Variants in CLMN observed in about 807,000 individuals in gnomAD.
The protein encoded by CLMN is calmin (calponin-like, transmembrane).
A neutral mutation model predicts 92.7 loss-of-function variants in CLMN; 57 were observed. The ratio of observed to expected loss-of-function variants is 0.61; its 90% confidence interval spans 0.50 to 0.77. The LOEUF is 0.77. Among genes scored for constraint, CLMN ranks in the 30% least tolerant of loss-of-function variants. CLMN has a pLI of 0.00. For synonymous variants in CLMN, 466 were observed against 470.6 expected (o/e 0.99, Z 0.13); for missense variants, 1,158 against 1,237.5 (o/e 0.94, Z 0.96).
chr14:95,255,814 C>T (rs1029032874), intron 1 of CLMN, among the ~76,000 whole-genome samples: 41 of 152,184 alleles, frequency 2.7e-4, no homozygotes, highest in African/African-American at 9.6e-4. Flanking sequence ...TACTAGGTTC[C>T]CATGTTTTTT....
At chr14:95,317,331 GC>G (rs1300505144) in intron 1 of CLMN, among the ~76,000 whole-genome samples, 1 of 152,124 alleles carries the variant, frequency 6.6e-6, no homozygotes, top group East Asian at 1.9e-4. Flanking sequence ...ACAGATGCCT[GC>G]CCCCATCTCC....
At chr14:95,280,860 A>C (rs1194100052) in intron 1 of CLMN, among the ~76,000 whole-genome samples, 1 of 152,154 alleles carries the variant, frequency 6.6e-6, no homozygotes, top group Non-Finnish European at 1.5e-5. Context: ...TGGTTATCTA[A>C]AATTGTTACA....
chr14:95,189,946 C>G lies in CLMN; in HGVS notation c.*1618G>C, dbSNP rs1896523305. 6.6e-6 allele frequency: 1 copy of G among 152,194 alleles called. No individual in the cohort carries two copies. Among genetic ancestry groups the G allele is most frequent in the African/African-American group, 2.4e-5 (1 of 41,450 alleles). The allele number at this position is 152,194 out of a possible 1,614,324, so 9.4% of individuals were successfully genotyped here. On this transcript the variant is annotated 3_prime_UTR_variant, in exon 13 of 13. Transcript: ENST00000298912. Reference sequence around the variant, plus strand: ...TGCTATGTAAATTCTTCTGGCCATGCTGGAATTCTGTAAACTTGAAACCCA... The same window carrying G: ...TGCTATGTAAATTCTTCTGGCCATGGTGGAATTCTGTAAACTTGAAACCCA...
intron 1 of CLMN, among the ~76,000 whole-genome samples, chr14:95,245,270 T>TA (rs1427351722): frequency 1.5e-4 from 8 of 53,730 alleles, no homozygotes; most frequent in South Asian, 5.7e-4. Context: ...TATATATATA[T>TA]TATATATATA....
intron 1 of CLMN, among the ~76,000 whole-genome samples, chr14:95,235,537 G>C (rs962319312): frequency 6.6e-6 from 1 of 152,152 alleles, no homozygotes; most frequent in Admixed American, 6.5e-5. Flanking sequence ...ACAATTAAGT[G>C]AGATATTGCA....
chr14:95,241,166 C>T (rs879751898), intron 1 of CLMN, among the ~76,000 whole-genome samples: 2 of 152,086 alleles, frequency 1.3e-5, no homozygotes, highest in South Asian at 4.2e-4. Flanking sequence ...AAACCCCACA[C>T]TCACCCTGTA....
chr14:95,208,801 G>C (rs1376988156), intron 8 of CLMN, among the ~76,000 whole-genome samples: 6 of 152,174 alleles, frequency 3.9e-5, no homozygotes, highest in Non-Finnish European at 7.4e-5. Flanking sequence ...CAAATGGAGT[G>C]CTGTTCTGAG....
At chr14:95,238,390 C>T (rs906527916) in intron 1 of CLMN, among the ~76,000 whole-genome samples, 6 of 152,244 alleles carry the variant, frequency 3.9e-5, no homozygotes, top group African/African-American at 1.4e-4. Flanking sequence ...GGGGCCACTT[C>T]CCCCATCGGC....
At chr14:95,272,693 T>G (rs1899759886) in intron 1 of CLMN, among the ~76,000 whole-genome samples, 1 of 152,210 alleles carries the variant, frequency 6.6e-6, no homozygotes, top group South Asian at 2.1e-4. Flanking sequence ...CTTGACTAGA[T>G]GCTAAGAAGC....
At chr14:95,283,908 T>C (rs1013601342) in intron 1 of CLMN, among the ~76,000 whole-genome samples, 1 of 152,198 alleles carries the variant, frequency 6.6e-6, no homozygotes, top group Non-Finnish European at 1.5e-5. Flanking sequence ...GAAATTTGCA[T>C]AAGTAGCAAG....
intron 1 of CLMN, among the ~76,000 whole-genome samples, chr14:95,257,141 C>A (rs1004341115): frequency 6.6e-6 from 1 of 152,184 alleles, no homozygotes; most frequent in Non-Finnish European, 1.5e-5. Flanking sequence ...AATTAGAATG[C>A]GTGATCTTTC....
At chr14:95,308,258 C>G (rs1901371430) in intron 1 of CLMN, among the ~76,000 whole-genome samples, 1 of 152,210 alleles carries the variant, frequency 6.6e-6, no homozygotes, top group African/African-American at 2.4e-5. Context: ...ACCAGCTGGG[C>G]CACTGAACAG....
Position 95,312,371 on chromosome 14 carries a change from G to A in CLMN, c.82+7340C>T, listed in dbSNP as rs61054074. 4.4e-3 allele frequency among the ~76,000 whole-genome samples: 669 copies of A among 152,236 alleles called. 4 individuals are homozygous for A. Among genetic ancestry groups the A allele is most frequent in the African/African-American group, 0.015 (625 of 41,536 alleles). On this transcript the variant is annotated intron_variant, in intron 1 of 12. Coordinates refer to ENST00000298912, the MANE Select transcript of CLMN (RefSeq NM_024734.4). ...CCCATTTCTAAAGCAGATTTAAAAC[G>A]TACCCCAGGCAGTCTGGCACCCTTT... is the stretch of plus-strand genomic sequence containing the variant.
intron 1 of CLMN, among the ~76,000 whole-genome samples, chr14:95,276,131 A>T (rs1452863982): frequency 6.6e-6 from 1 of 152,176 alleles, no homozygotes; most frequent in Admixed American, 6.5e-5. Context: ...GAGACCCCTG[A>T]CTCAAAGGAA....
intron 1 of CLMN, among the ~76,000 whole-genome samples, chr14:95,251,874 A>G (rs1452629077): frequency 1.3e-5 from 2 of 152,150 alleles, no homozygotes; most frequent in Non-Finnish European, 2.9e-5. Flanking sequence ...AGCTCCAGGC[A>G]CAGGTTCTAA....
intron 1 of CLMN, among the ~76,000 whole-genome samples, chr14:95,245,755 G>T (rs1898537210): frequency 6.7e-6 from 1 of 149,458 alleles, no homozygotes; most frequent in East Asian, 2.0e-4. Flanking sequence ...TGGATGGATG[G>T]ATGAATGAAT....
intron 1 of CLMN, among the ~76,000 whole-genome samples, chr14:95,271,626 A>G (rs909070302): frequency 1.3e-5 from 2 of 152,224 alleles, no homozygotes; most frequent in Admixed American, 6.5e-5. Flanking sequence ...AGTAGTATGT[A>G]GGGTATAAGG....
At chr14:95,242,070 G>A (rs112663215) in intron 1 of CLMN, among the ~76,000 whole-genome samples, 5,355 of 151,700 alleles carry the variant, frequency 0.035, 335 homozygotes, top group African/African-American at 0.12. Context: ...ACAAACGCCA[G>A]TTCTGCAATC....
intron 6 of CLMN, among the ~76,000 whole-genome samples, chr14:95,212,989 C>T (rs191104764): frequency 1.3e-5 from 2 of 152,040 alleles, no homozygotes; most frequent in African/African-American, 4.8e-5. Context: ...AGGGTTTCAC[C>T]GTGTTAGCCA....
Sources: gnomAD v4.1 joint callset for allele counts (sites outside exome capture counted in the v4.1 genomes callset) on GRCh38, gnomAD v4.1.1 for gene constraint, MANE v1.5 for transcripts, NCBI Gene and HGNC (gene_info 2026-07-23, HGNC 2026-07-21) for gene names.